ESCO1: variants seen among roughly 807,000 people sequenced by gnomAD.
The protein encoded by ESCO1 is establishment of sister chromatid cohesion N-acetyltransferase 1, also known as N-acetyltransferase ESCO1.
A neutral mutation model predicts 83.5 loss-of-function variants in ESCO1; 33 were observed. That is an observed-to-expected ratio of 0.40 (90% CI 0.30 to 0.53). The LOEUF (loss-of-function observed/expected upper bound fraction) is 0.53. Ranked by LOEUF, ESCO1 falls within the 20% of genes least tolerant of loss-of-function variation. The pLI is 0.63. For synonymous variants in ESCO1, 332 were observed against 324.3 expected, an observed-to-expected ratio of 1.02 and a Z score of -0.25; for missense variants, 855 against 968.0, an observed-to-expected ratio of 0.88 and a Z score of 1.55.
chr18:21,594,290 T>G (rs945422518), intron 1 of ESCO1, among the ~76,000 whole-genome samples: 1 of 152,254 alleles, frequency 6.6e-6, no homozygotes, highest in Non-Finnish European at 1.5e-5. Flanking sequence ...TTCTGAGTCC[T>G]GAAATATATT....
In ESCO1 at chr18:21,592,544, C is replaced by A. The variant is rs1339028132; in HGVS notation, c.-825+8079G>T. The stretch of plus-strand genomic sequence containing the variant: ...TCACCTCCTGGACAGGGCGGCTGGC[C>A]GGGCGGGGGGCTGACCCCCCACCTC... On this transcript the variant is annotated intron_variant, in intron 1 of 11. Coordinates refer to ENST00000269214, the MANE Select transcript of ESCO1 (RefSeq NM_052911.3). Among the ~76,000 whole-genome samples, 4 of 142,692 alleles carry A rather than the reference C, an allele frequency of 2.8e-5. No individual in the cohort carries two copies. The South Asian group carries it at 9.2e-4, about 33-fold the overall frequency. The allele number at this position is 142,692 out of a possible 152,430, so 93.6% of individuals were successfully genotyped here.
chr18:21,543,236 C>A (rs939484699), intron 8 of ESCO1, among the ~76,000 whole-genome samples: 4 of 152,134 alleles, frequency 2.6e-5, no homozygotes, highest in Non-Finnish European at 4.4e-5. Flanking sequence ...CTCACTGCAA[C>A]CTCCGCCTCC....
At position 21,567,340 on chromosome 18, in the gene ESCO1, A is replaced by G. The variant is rs183014070; in HGVS notation, c.1645+640T>C. On this transcript the variant is annotated intron_variant, in intron 5 of 11. Transcript: ENST00000269214. ...CCTTGCTAATTTTTTTAGTATTTTT[A>G]GTAAATAGAAACGGAGGTCTCACCA... Among the ~76,000 whole-genome samples the G allele has an allele frequency of 6.7e-4, 102 of 152,174 alleles. 2 individuals carry two copies. The highest frequency in any genetic ancestry group is 6.6e-3 in the Admixed American group (101 of 15,260).
chr18:21,565,181 A>G (rs1204316234), intron 6 of ESCO1, among the ~76,000 whole-genome samples: 2 of 152,220 alleles, frequency 1.3e-5, no homozygotes, highest in Non-Finnish European at 2.9e-5. Context: ...TTTCAGTAAA[A>G]AAAAGGCAAC....
In ESCO1 at chr18:21,573,420, G is replaced by A. The variant is rs778408483; in HGVS notation, c.1424C>T (p.Thr475Ile). ...ACAATTTTCAGGAGCCCTTTCTGTG[G>A]TTTTATTAATTTCTACTGTAATATC... ...INDITVEINK[T>I]TERAPENCHL... The change falls in exon 4 of 12, where the codon ACC becomes ATC. Residue 475 changes from threonine to isoleucine, a missense_variant. By Grantham distance (89) the Thr-to-Ile change is moderately conservative. This residue lies in a region of ESCO1 where 726 missense variants were observed against 699.5 expected (regional missense o/e 1.04). Transcript: ENST00000269214. 2 of 1,611,926 alleles carry A rather than the reference G, an allele frequency of 1.2e-6. No individual in the cohort carries two copies. Among genetic ancestry groups the A allele is most frequent in the Non-Finnish European group, 1.7e-6 (2 of 1,179,512 alleles).
At chr18:21,542,638 T>G (rs868594619) in intron 8 of ESCO1, among the ~76,000 whole-genome samples, 1 of 152,204 alleles carries the variant, frequency 6.6e-6, no homozygotes, top group African/African-American at 2.4e-5. Flanking sequence ...ATCAATGCAC[T>G]AATCTAACAA....
At chr18:21,580,113 G>T (rs1288108923) in intron 2 of ESCO1, among the ~76,000 whole-genome samples, 1 of 151,714 alleles carries the variant, frequency 6.6e-6, no homozygotes, top group Non-Finnish European at 1.5e-5. Flanking sequence ...TGGTCAGGCT[G>T]GTCTCGAACT....
intron 8 of ESCO1, among the ~76,000 whole-genome samples, chr18:21,556,223 T>C (rs1304900232): frequency 1.3e-5 from 2 of 152,128 alleles, no homozygotes; most frequent in African/African-American, 4.8e-5. Context: ...CACTGCACTC[T>C]GGTCTGAACA....
At chr18:21,571,721 A>G (rs2038343964) in intron 4 of ESCO1, among the ~76,000 whole-genome samples, 1 of 152,090 alleles carries the variant, frequency 6.6e-6, no homozygotes, top group Non-Finnish European at 1.5e-5. Flanking sequence ...TAGAAGACAC[A>G]CTCTCCAACT....
At chr18:21,580,318 A>G (rs1009745024) in intron 2 of ESCO1, among the ~76,000 whole-genome samples, 8 of 152,098 alleles carry the variant, frequency 5.3e-5, no homozygotes, top group African/African-American at 1.9e-4. Context: ...TAGAGGGGGG[A>G]AAAATCCTGA....
chr18:21,551,112 C>CA (rs57346736), intron 8 of ESCO1, among the ~76,000 whole-genome samples: 18,674 of 75,034 alleles, frequency 0.25, 1,587 homozygotes, highest in Middle Eastern at 0.34. Flanking sequence ...AACTCTGTCT[C>CA]AAAAAAAAAA....
intron 1 of ESCO1, chr18:21,593,623 G>GGGAGAGGGAGAGGGAGAC (rs1055405656): frequency 1.3e-5 from 2 of 148,216 alleles, no homozygotes; most frequent in East Asian, 3.9e-4. Context: ...GAGAGGGAGA[G>GGGAGAGGGAGAGGGAGAC]GGAGAGGGCC....
chr18:21,580,516 A>G (rs919386956), intron 2 of ESCO1, among the ~76,000 whole-genome samples: 44 of 152,150 alleles, frequency 2.9e-4, no homozygotes, highest in African/African-American at 1.0e-3. Context: ...TAACTCCCAA[A>G]CATCTTCCTC....
At chr18:21,595,313 G>A (rs1348933319) in intron 1 of ESCO1, among the ~76,000 whole-genome samples, 1 of 144,626 alleles carries the variant, frequency 6.9e-6, no homozygotes, top group African/African-American at 2.6e-5. Context: ...ATGGTGAGCC[G>A]AGATCACGCC....
chr18:21,568,628 C>A (rs2038295944), intron 4 of ESCO1, among the ~76,000 whole-genome samples: 2 of 152,292 alleles, frequency 1.3e-5, no homozygotes, highest in South Asian at 4.1e-4. Flanking sequence ...CCCAGCCGGG[C>A]ACAGTGGCTA....
At chr18:21,572,598 T>A (rs2146209351) in intron 4 of ESCO1, among the ~76,000 whole-genome samples, 1 of 152,308 alleles carries the variant, frequency 6.6e-6, no homozygotes, top group East Asian at 1.9e-4. Flanking sequence ...AATGTTTAAC[T>A]TTTAAATTAT....
chr18:21,583,257 A>C (rs987343598), intron 2 of ESCO1, among the ~76,000 whole-genome samples: 5 of 152,184 alleles, frequency 3.3e-5, no homozygotes, highest in African/African-American at 1.2e-4. Context: ...AATCATTCTG[A>C]ATAAAAAAGC....
At chr18:21,587,346 T>C (rs1484228828) in intron 1 of ESCO1, among the ~76,000 whole-genome samples, 1 of 152,216 alleles carries the variant, frequency 6.6e-6, no homozygotes, top group Non-Finnish European at 1.5e-5. Flanking sequence ...TTAATTCTTC[T>C]TTAAATGTTT....
chr18:21,592,863 C>T (rs2038700321), intron 1 of ESCO1, among the ~76,000 whole-genome samples: 1 of 151,220 alleles, frequency 6.6e-6, no homozygotes, highest in Admixed American at 6.6e-5. Context: ...AGGGTCTCCT[C>T]CCTTCTCAGA....
Sources: gnomAD v4.1 joint callset for allele counts (sites outside exome capture counted in the v4.1 genomes callset) on GRCh38, gnomAD v4.1.1 for gene constraint, gnomAD v4.1.1 regional missense constraint, MANE v1.5 for transcripts, NCBI Gene and HGNC (gene_info 2026-07-23, HGNC 2026-07-21) for gene names.